The following NCOA2 variants were observed in gnomAD, a reference collection of about 807,000 sequenced individuals.
The protein encoded by NCOA2 is class E basic helix-loop-helix protein 75.
A neutral mutation model predicts 145.1 loss-of-function variants in NCOA2; 21 were observed. That is an observed-to-expected ratio of 0.14 (90% CI 0.10 to 0.21). The LOEUF (loss-of-function observed/expected upper bound fraction) is 0.21. Among genes scored for constraint, NCOA2 ranks in the 10% least tolerant of loss-of-function variants. NCOA2 has a pLI of 1.00. For synonymous variants in NCOA2, 619 were observed against 637.5 expected (o/e 0.97, Z 0.44); for missense variants, 1,472 against 1,837.6 (o/e 0.80, Z 3.64).
At position 70,111,844 on chromosome 8, in the gene NCOA2, G is replaced by A. The variant is rs1806567295; in HGVS notation, c.*1788C>T. ...AACTTCTCTGTTCCTAAAAAGCCTG[G>A]CTAATGAGATATTATAAAATGCTTT... On this transcript the variant is annotated 3_prime_UTR_variant, in exon 23 of 23. Coordinates refer to ENST00000452400, the MANE Select transcript of NCOA2 (RefSeq NM_006540.4). 4.5e-6 allele frequency: 1 copy of A among 220,690 alleles called. No homozygotes were observed. The highest frequency in any genetic ancestry group is 9.1e-6 in the Non-Finnish European group (1 of 110,342). The allele number at this position is 220,690 out of a possible 1,614,324, so 13.7% of individuals were successfully genotyped here.
chr8:70,163,272 G>A (rs1813245311), intron 8 of NCOA2, among the ~76,000 whole-genome samples, 193 bp downstream of exon 8: 1 of 152,120 alleles, frequency 6.6e-6, no homozygotes, highest in South Asian at 2.1e-4. Context: ...GGTAACATAA[G>A]TACATGGAAC....
chr8:70,354,390 T>C (rs114459676), intron 1 of NCOA2, among the ~76,000 whole-genome samples: 286 of 152,312 alleles, frequency 1.9e-3, no homozygotes, highest in African/African-American at 6.5e-3. Flanking sequence ...CAATGAAAAG[T>C]CTGCACCTTC....
At chr8:70,238,979 C>T (rs192062503) in intron 2 of NCOA2, among the ~76,000 whole-genome samples, 5 of 152,272 alleles carry the variant, frequency 3.3e-5, no homozygotes, top group Admixed American at 6.5e-5. Context: ...TTGTGTCTCA[C>T]AGTAGTTGGG....
At chr8:70,374,420 T>C (rs1377094366) in intron 1 of NCOA2, among the ~76,000 whole-genome samples, 1 of 145,650 alleles carries the variant, frequency 6.9e-6, no homozygotes, top group African/African-American at 2.6e-5. Context: ...TACAATGAGC[T>C]AAGATCACGC....
At chr8:70,284,223 C>A (rs566524209) in intron 2 of NCOA2, among the ~76,000 whole-genome samples, 4 of 152,244 alleles carry the variant, frequency 2.6e-5, no homozygotes, top group East Asian at 1.9e-4. Context: ...AATCTCTGGA[C>A]GGTGCTTTCA....
At chr8:70,123,743 G>A (rs1585727654) in intron 21 of NCOA2, 141 bp downstream of exon 21, 1 of 593,350 alleles carries the variant, frequency 1.7e-6, no homozygotes, top group Non-Finnish European at 2.8e-6. Flanking sequence ...CACTAACACA[G>A]GTGAAGGGTG....
upstream of NCOA2, among the ~76,000 whole-genome samples, chr8:70,404,184 A>G (rs1814648504): frequency 6.6e-6 from 1 of 152,184 alleles, no homozygotes; most frequent in Non-Finnish European, 1.5e-5. Context: ...AAAATGGGTG[A>G]CTGTGGTAGA....
chr8:70,139,210 A>T (rs964871300), intron 14 of NCOA2, among the ~76,000 whole-genome samples: 2 of 152,214 alleles, frequency 1.3e-5, no homozygotes, highest in African/African-American at 2.4e-5. Context: ...CCTGTATTCC[A>T]TTCCAAAAGA....
At chr8:70,185,120 A>C (rs1815913101) in intron 4 of NCOA2, among the ~76,000 whole-genome samples, 1 of 152,108 alleles carries the variant, frequency 6.6e-6, no homozygotes, top group Non-Finnish European at 1.5e-5. Context: ...ACAACTCATC[A>C]TATGTAGACT....
intron 13 of NCOA2, 134 bp downstream of exon 13, chr8:70,144,508 G>T: frequency 1.4e-6 from 1 of 738,128 alleles, no homozygotes; most frequent in Non-Finnish European, 2.3e-6. Flanking sequence ...AAAATCTGTA[G>T]AATTTTCTCA....
At chr8:70,122,345 G>A (rs1807915913) in intron 21 of NCOA2, among the ~76,000 whole-genome samples, 1 of 152,068 alleles carries the variant, frequency 6.6e-6, no homozygotes, top group Non-Finnish European at 1.5e-5. Flanking sequence ...AAACTCTTGG[G>A]CTCAATAGAT....
intron 15 of NCOA2, among the ~76,000 whole-genome samples, chr8:70,135,312 T>C (rs1424265738): frequency 6.6e-6 from 1 of 152,220 alleles, no homozygotes; most frequent in Non-Finnish European, 1.5e-5. Context: ...GAATTGATAC[T>C]AACAATTTAT....
intron 1 of NCOA2, among the ~76,000 whole-genome samples, chr8:70,312,711 T>C (rs1805234863): frequency 6.6e-6 from 1 of 152,210 alleles, no homozygotes; most frequent in Non-Finnish European, 1.5e-5. Flanking sequence ...TCTTACTATT[T>C]GTACATTTAA....
At chr8:70,172,124 CTT>C (rs1814323618) in intron 5 of NCOA2, among the ~76,000 whole-genome samples, 1 of 152,110 alleles carries the variant, frequency 6.6e-6, no homozygotes, top group Non-Finnish European at 1.5e-5. Context: ...GTGCGCCAGT[CTT>C]TTTAAATTTT....
chr8:70,174,618 C>A, intron 5 of NCOA2, 138 bp downstream of exon 5: 2 of 721,846 alleles, frequency 2.8e-6, no homozygotes, highest in South Asian at 1.7e-5. Context: ...GACACACAGG[C>A]ATATCAGCAA....
chr8:70,402,276 T>A (rs1586695786), intron 1 of NCOA2: 1 of 145,284 alleles, frequency 6.9e-6, no homozygotes, highest in East Asian at 2.0e-4. Context: ...GGAGAGGGAG[T>A]GGGATTAGAG....
At chr8:70,245,405 T>C (rs952900710) in intron 2 of NCOA2, 2 of 152,108 alleles carry the variant, frequency 1.3e-5, no homozygotes, top group African/African-American at 4.8e-5. Flanking sequence ...ATTGAGATAA[T>C]AGCCTTTTCT....
chr8:70,368,036 C>T (rs1450970578), intron 1 of NCOA2, among the ~76,000 whole-genome samples: 1 of 152,136 alleles, frequency 6.6e-6, no homozygotes, highest in African/African-American at 2.4e-5. Context: ...AGTAAATTTC[C>T]AAATGAAGAC....
chr8:70,335,780 T>C (rs1351768506), intron 1 of NCOA2, among the ~76,000 whole-genome samples: 2 of 152,124 alleles, frequency 1.3e-5, no homozygotes, highest in African/African-American at 2.4e-5. Context: ...TTGTAGAGCA[T>C]ATTTACACAA....
Sources: gnomAD v4.1 joint callset for allele counts (sites outside exome capture counted in the v4.1 genomes callset) on GRCh38, gnomAD v4.1.1 for gene constraint, MANE v1.5 for transcripts, NCBI Gene and HGNC (gene_info 2026-07-23, HGNC 2026-07-21) for gene names.